ZNF888: variants seen among roughly 807,000 people sequenced by gnomAD.
The protein encoded by ZNF888 is CTD-2331H12.6.
In ZNF888, 5 loss-of-function variants were observed where a neutral mutation model predicts 7.2. The ratio of observed to expected loss-of-function variants is 0.70; its 90% CI spans 0.36 to 1.46. The LOEUF is 1.46. Ranked by LOEUF, ZNF888 falls within the 40% of genes most tolerant of loss-of-function variation. The probability of loss-of-function intolerance (pLI) is 0.03; values close to 1 mark genes in which losing one functional copy is unlikely to be tolerated. For synonymous variants in ZNF888, 240 were observed against 284.3 expected (o/e 0.84, Z 1.57); for missense variants, 716 against 858.0 (o/e 0.83, Z 2.07).
Position 52,916,615 on chromosome 19 carries a change from C to CATATACATATACATATACATATACATAT in ZNF888, c.15+1243_15+1244insATATGTATATGTATATGTATATGTATAT, listed in dbSNP as rs374760326. 1.1e-3 allele frequency among the ~76,000 whole-genome samples: 147 copies of CATATACATATACATATACATATACATAT among 131,398 alleles called. 2 individuals are homozygous for CATATACATATACATATACATATACATAT. The highest frequency in any genetic ancestry group is 4.2e-3 in the African/African-American group (136 of 32,666). 86.2% of individuals were successfully genotyped at this position (131,398 alleles called of 152,430 possible). A position where few individuals can be genotyped will look rare whatever the true frequency, so the allele number is the denominator to read the frequency against. ...TATTATATACATACATATACATATACATATATATATATATATATATATATA... is the reference window on the plus strand; with the variant it reads ...TATTATATACATACATATACATATACATATACATATACATATACATATACATATATATATATATATATATATATATATA... On this transcript the variant is annotated intron_variant, in intron 3 of 4. Coordinates refer to ENST00000638862, the MANE Select transcript of ZNF888 (RefSeq NM_001393938.1).
chr19:52,912,760 A>G (rs1254689992), intron 4 of ZNF888, among the ~76,000 whole-genome samples: 4 of 151,852 alleles, frequency 2.6e-5, no homozygotes, highest in Non-Finnish European at 4.4e-5. Context: ...AAAGAAGGCT[A>G]AAGAGTAACT....
intron 3 of ZNF888, 118 bp from the exon 4 acceptor site, chr19:52,915,440 C>T (rs7248528): frequency 0.19 from 310,974 of 1,596,370 alleles, 28,759 homozygotes; most frequent in Admixed American, 0.45. Context: ...CTGACAAATC[C>T]GAGTAAGGGA....
intron 4 of ZNF888, among the ~76,000 whole-genome samples, chr19:52,913,553 C>T (rs186227698): frequency 6.6e-6 from 1 of 152,158 alleles, no homozygotes; most frequent in East Asian, 1.9e-4. Context: ...CTGAACTGAC[C>T]TCAGGTGATC....
chr19:52,916,295 G>A (rs910385050), intron 3 of ZNF888, among the ~76,000 whole-genome samples: 17 of 152,154 alleles, frequency 1.1e-4, no homozygotes, highest in African/African-American at 4.1e-4. Context: ...GCAACAAAGT[G>A]AGACCCCGTC....
chr19:52,913,682 C>G lies in ZNF888; in HGVS notation c.142+1514G>C, dbSNP rs1041774648. 15 of 974,230 alleles carry G rather than the reference C, an allele frequency of 1.5e-5. No individual in the cohort carries two copies. The African/African-American group carries it at 2.5e-4, about 16-fold the overall frequency. 60.3% of individuals were successfully genotyped at this position (974,230 alleles called of 1,614,324 possible). A position where few individuals can be genotyped will look rare whatever the true frequency, so the allele number is the denominator to read the frequency against. ...TATAAGTTTAAGATGTTTAACATAC[C>G]TGCAACAATAACCTCTGCCCATATA... is the stretch of plus-strand genomic sequence containing the variant. On this transcript the variant is annotated intron_variant, in intron 4 of 4. Transcript: ENST00000638862.
chr19:52,907,542 A>G lies in ZNF888; in HGVS notation c.780T>C (p.His260=). Residue 260 remains histidine, a synonymous_variant, in exon 5 of 5, where the codon CAT becomes CAC. Transcript: ENST00000638862. ...GTTTCTCACCAGTGTGACATCTACG[A>G]TGGTGTGCAAGGTATCGCTTCTGAT... ...DFNQKRYLAH[H]RRCHTGEKPY... 1.2e-6 allele frequency: 2 copies of G among 1,609,774 alleles called. No homozygotes were observed. The highest frequency in any genetic ancestry group is 1.1e-5 in the South Asian group (1 of 90,328).
chr19:52,914,430 C>A, intron 4 of ZNF888: 1 of 854,528 alleles, frequency 1.2e-6, no homozygotes, highest in Non-Finnish European at 1.4e-6. Flanking sequence ...AAGAAAGGAC[C>A]ATGAAGTGCT....
rs142917935 is a variant in ZNF888, at chr19:52,912,791, A to C, written c.142+2405T>G. ...TAACTCCAACCCAGAAGCATATACA[A>C]AGTTCTCCAGTAAAGGTAAATTAAA... On this transcript the variant is annotated intron_variant, in intron 4 of 4. Coordinates refer to ENST00000638862, the MANE Select transcript of ZNF888 (RefSeq NM_001393938.1). Among the ~76,000 whole-genome samples the C allele has an allele frequency of 6.5e-3, 989 of 151,996 alleles. 11 individuals carry two copies. The highest frequency in any genetic ancestry group is 0.023 in the African/African-American group (945 of 41,466).
In ZNF888 at chr19:52,923,373, G is replaced by A. The variant is rs2064844188; in HGVS notation, c.-182C>T. 3 of 985,858 alleles carry A rather than the reference G, an allele frequency of 3.0e-6. No homozygotes were observed. The highest frequency in any genetic ancestry group is 3.6e-6 in the Non-Finnish European group (3 of 830,032). 61.1% of individuals were successfully genotyped at this position (985,858 alleles called of 1,614,324 possible). A position where few individuals can be genotyped will look rare whatever the true frequency, so the allele number is the denominator to read the frequency against. On this transcript the variant is annotated 5_prime_UTR_variant, in exon 1 of 5. Coordinates refer to ENST00000638862, the MANE Select transcript of ZNF888 (RefSeq NM_001393938.1). ...ACAACACAGAGCAAAACTCACCGCC[G>A]CAGTGTGACTTCCAGTCCACGCGAT...
At chr19:52,923,326 G>A (rs1600695741) in intron 1 of ZNF888, 43 bp downstream of exon 1, 1 of 985,718 alleles carries the variant, frequency 1.0e-6, no homozygotes, top group Admixed American at 6.1e-5. Flanking sequence ...AATTGCCGGG[G>A]ACCTGGAGGC....
chr19:52,913,880 C>T (rs2037033523), intron 4 of ZNF888: 1 of 366,120 alleles, frequency 2.7e-6, no homozygotes, highest in African/African-American at 2.2e-5. Flanking sequence ...AATCCCAGCC[C>T]TTTGGGAAGC....
At chr19:52,920,532 G>GAAA (rs1568423875) in intron 1 of ZNF888, among the ~76,000 whole-genome samples, 2 of 16,474 alleles carry the variant, frequency 1.2e-4, no homozygotes, top group African/African-American at 2.5e-4. Flanking sequence ...AAAAAGAAAA[G>GAAA]GAAAAAAAAA....
chr19:52,916,501 T>C (rs2064749785), intron 3 of ZNF888, among the ~76,000 whole-genome samples: 1 of 151,448 alleles, frequency 6.6e-6, no homozygotes, highest in Admixed American at 6.6e-5. Flanking sequence ...TATATGTGTA[T>C]GTACATGTGT....
In ZNF888 at chr19:52,907,130, C is replaced by A. The variant is rs2064619806; in HGVS notation, c.1192G>T (p.Ala398Ser). 1 of 1,611,038 alleles carries A rather than the reference C, an allele frequency of 6.2e-7. No homozygotes were observed. Among genetic ancestry groups the A allele is most frequent in the African/African-American group, 1.4e-5 (1 of 73,886 alleles). ...DKAFRHDSHLAQHIVIHTREK... is the reference protein window; with the variant it reads ...DKAFRHDSHLSQHIVIHTREK... The stretch of plus-strand genomic sequence containing the variant: ...CTAGTGTGAATTACAATATGCTGTG[C>A]CAGGTGTGAATCATGTCTGAAAGCC... Residue 398 changes from alanine (A) to serine (S), a missense_variant, in exon 5 of 5, where the codon GCA becomes TCA. Physicochemically the swap from Ala to Ser is moderately conservative, Grantham distance 99. Transcript: ENST00000638862.
chr19:52,913,265 G>T (rs2064706718), intron 4 of ZNF888, among the ~76,000 whole-genome samples: 1 of 150,930 alleles, frequency 6.6e-6, no homozygotes, highest in Admixed American at 6.6e-5. Context: ...AATAATTCTG[G>T]CATAAATTTA....
At chr19:52,909,321 C>T (rs1489451190) in intron 4 of ZNF888, among the ~76,000 whole-genome samples, 2 of 151,202 alleles carry the variant, frequency 1.3e-5, no homozygotes, top group African/African-American at 4.9e-5. Flanking sequence ...AATCTGGGCT[C>T]ACTGTAACCT....
chr19:52,912,168 T>C (rs77850879), intron 4 of ZNF888, among the ~76,000 whole-genome samples: 93,216 of 144,920 alleles, frequency 0.64, 30,207 homozygotes, highest in Admixed American at 0.72. Context: ...GGCTGGAGTG[T>C]CGTGGCAAGA....
intron 1 of ZNF888, among the ~76,000 whole-genome samples, chr19:52,923,164 CA>C (rs996718104): frequency 2.8e-4 from 42 of 152,276 alleles, no homozygotes; most frequent in Non-Finnish European, 5.3e-4. Flanking sequence ...TGCCCTATAG[CA>C]AAAAGACCGA....
intron 4 of ZNF888, 102 bp from the exon 5 acceptor site, chr19:52,908,281 C>T: frequency 8.6e-7 from 1 of 1,161,150 alleles, no homozygotes; most frequent in African/African-American, 1.6e-5. Context: ...TTTTAAACAT[C>T]TCAAACATGA....
Sources: gnomAD v4.1 joint callset for allele counts (sites outside exome capture counted in the v4.1 genomes callset) on GRCh38, gnomAD v4.1.1 for gene constraint, MANE v1.5 for transcripts, NCBI Gene and HGNC (gene_info 2026-07-23, HGNC 2026-07-21) for gene names.